Variants in XNDC1N observed in about 807,000 individuals in gnomAD.
XNDC1N encodes the protein XRCC1 N-terminal domain containing 1, N-terminal like.
At chr11:71,900,488 C>T in the XNDC1N span, among the ~76,000 whole-genome samples, 2 of 152,120 alleles carry the variant, frequency 1.3e-5, no homozygotes, top group East Asian at 3.9e-4. Flanking sequence ...GCAAACTGTC[C>T]GCTCAGCAGA....
the XNDC1N span, among the ~76,000 whole-genome samples, chr11:71,888,651 G>T: frequency 6.6e-6 from 1 of 152,232 alleles, no homozygotes; most frequent in East Asian, 1.9e-4. Flanking sequence ...TGGCCCCCCT[G>T]TTGGAGGGCC....
chr11:71,882,835 T>G, the XNDC1N span, among the ~76,000 whole-genome samples: 3 of 152,260 alleles, frequency 2.0e-5, no homozygotes, highest in East Asian at 5.8e-4. Flanking sequence ...TGACATAATT[T>G]TTTTGTAAAA....
At chr11:71,882,882 A>C in the XNDC1N span, among the ~76,000 whole-genome samples, 6 of 152,196 alleles carry the variant, frequency 3.9e-5, no homozygotes, top group African/African-American at 7.2e-5. Context: ...TATTAAAACT[A>C]ATAACAAATT....
the XNDC1N span, among the ~76,000 whole-genome samples, chr11:71,867,738 T>C: frequency 6.6e-6 from 1 of 152,246 alleles, no homozygotes; most frequent in Non-Finnish European, 1.5e-5. Context: ...GTGTGTACCA[T>C]GTGCAGATGA....
the XNDC1N span, among the ~76,000 whole-genome samples, chr11:71,902,364 T>C: frequency 6.6e-6 from 1 of 152,174 alleles, no homozygotes; most frequent in Non-Finnish European, 1.5e-5. Context: ...GCGAAGTGTT[T>C]GTATTTTTAG....
the XNDC1N span, among the ~76,000 whole-genome samples, chr11:71,924,333 G>A: frequency 2.6e-5 from 4 of 151,854 alleles, no homozygotes; most frequent in African/African-American, 2.4e-5. Context: ...GAGCCATGAC[G>A]GTGCCACTGC....
chr11:71,919,615 TTGTTTG>T, the XNDC1N span, among the ~76,000 whole-genome samples: 4 of 11,172 alleles, frequency 3.6e-4, no homozygotes, highest in Non-Finnish European at 1.8e-3. Context: ...GTTTTTTTTT[TTGTTTG>T]TTTTTTTTTT....
At chr11:71,873,627 G>A in the XNDC1N span, among the ~76,000 whole-genome samples, 14 of 152,272 alleles carry the variant, frequency 9.2e-5, no homozygotes, top group East Asian at 1.9e-3. Flanking sequence ...AATGGTAATA[G>A]TAAAAACAGA....
chr11:71,912,360 G>A, the XNDC1N span, among the ~76,000 whole-genome samples: 9 of 152,258 alleles, frequency 5.9e-5, no homozygotes, highest in South Asian at 4.2e-4. Context: ...TGTTAGCAAC[G>A]AGATCACAGA....
chr11:71,904,763 GATATTACGAATA>G, the XNDC1N span, among the ~76,000 whole-genome samples: 1 of 151,974 alleles, frequency 6.6e-6, no homozygotes, highest in Non-Finnish European at 1.5e-5. Flanking sequence ...ATTCCCCTAG[GATATTACGAATA>G]ATATCACAGC....
the XNDC1N span, among the ~76,000 whole-genome samples, chr11:71,885,118 G>T: frequency 1.1e-4 from 16 of 150,828 alleles, no homozygotes; most frequent in Non-Finnish European, 2.9e-5. Context: ...TACAGAGATT[G>T]TACACCCGTC....
chr11:71,896,713 G>A, the XNDC1N span, among the ~76,000 whole-genome samples: 4 of 152,198 alleles, frequency 2.6e-5, no homozygotes, highest in Non-Finnish European at 4.4e-5. Flanking sequence ...ACAGGCATGC[G>A]CCAGCACGCC....
the XNDC1N span, among the ~76,000 whole-genome samples, chr11:71,909,024 C>G: frequency 7.4e-4 from 112 of 152,264 alleles, no homozygotes; most frequent in Non-Finnish European, 1.3e-3. Flanking sequence ...AGAAGAAAGT[C>G]CAGCACAATT....
the XNDC1N span, among the ~76,000 whole-genome samples, chr11:71,880,552 C>T: frequency 6.6e-5 from 10 of 152,088 alleles, no homozygotes; most frequent in South Asian, 1.0e-3. Flanking sequence ...TTTCCTTCTC[C>T]TAAGTTTGGA....
chr11:71,922,847 T>A, the XNDC1N span, among the ~76,000 whole-genome samples: 1 of 152,256 alleles, frequency 6.6e-6, no homozygotes. Flanking sequence ...AATCACCACA[T>A]CAGATCAGGC....
chr11:71,887,409 G>A, the XNDC1N span, among the ~76,000 whole-genome samples: 6 of 152,048 alleles, frequency 3.9e-5, no homozygotes. Flanking sequence ...ACGGCTCTTT[G>A]CTGCTAAAGT....
At chr11:71,910,132 T>C in the XNDC1N span, among the ~76,000 whole-genome samples, 42 of 152,318 alleles carry the variant, frequency 2.8e-4, no homozygotes, top group African/African-American at 9.9e-4. Flanking sequence ...TTTGGAATTA[T>C]TGTTCCTTGT....
the XNDC1N span, among the ~76,000 whole-genome samples, chr11:71,912,147 G>C: frequency 2.6e-5 from 4 of 152,130 alleles, no homozygotes; most frequent in African/African-American, 7.2e-5. Flanking sequence ...GTGAGGCAGC[G>C]GTGTGTTACC....
chr11:71,888,664 G>A, the XNDC1N span, among the ~76,000 whole-genome samples: 1 of 152,202 alleles, frequency 6.6e-6, no homozygotes, highest in African/African-American at 2.4e-5. Flanking sequence ...GGAGGGCCTT[G>A]GCAGCAACTG....
Sources: gnomAD v4.1 joint callset for allele counts (sites outside exome capture counted in the v4.1 genomes callset) on GRCh38, gnomAD v4.1.1 for gene constraint, MANE v1.5 for transcripts, NCBI Gene and HGNC (gene_info 2026-07-23, HGNC 2026-07-21) for gene names.